XPO5: variants seen among roughly 807,000 people sequenced by gnomAD.
The protein encoded by XPO5 is exportin 5.
In XPO5, 46 loss-of-function variants were observed where a neutral mutation model predicts 160.6. The ratio of observed to expected loss-of-function variants is 0.29; its 90% CI spans 0.23 to 0.37. The LOEUF (loss-of-function observed/expected upper bound fraction) is 0.37. Among genes scored for constraint, XPO5 ranks in the 10% least tolerant of loss-of-function variants. The pLI, the probability that XPO5 is intolerant of heterozygous loss-of-function variation, is 1.00. For missense variants in XPO5, 1,090 were observed against 1,463.9 expected, an observed-to-expected ratio of 0.74 and a Z score of 4.17; for synonymous variants, 537 against 519.3, an observed-to-expected ratio of 1.03 and a Z score of -0.46.
rs1561867804 is a variant in XPO5, at chr6:43,533,992, T to C, written c.2358A>G (p.Leu786=). The C allele has an allele frequency of 6.2e-7, 1 of 1,602,012 alleles. No individual in the cohort carries two copies. ...TTTTGGCTAGCATTTCTGGTGCATA[T>C]AATGTATTGTGGGTTCTGAAAGAAA... is the stretch of plus-strand genomic sequence containing the variant. ...LLALIRTHNT[L]YAPEMLAKMA... is the part of the protein sequence containing the mutation. Residue 786 remains leucine, a synonymous_variant, in exon 21 of 32, where the codon TTA becomes TTG. Coordinates refer to ENST00000265351, the MANE Select transcript of XPO5 (RefSeq NM_020750.3).
At chr6:43,563,486 C>T (rs548616547) in intron 8 of XPO5, among the ~76,000 whole-genome samples, 11 of 152,320 alleles carry the variant, frequency 7.2e-5, no homozygotes, top group African/African-American at 2.4e-4. Context: ...GAAGCCCTTA[C>T]AGTCATGCAT....
In XPO5 at chr6:43,553,377, CTATTTAGTG is replaced by C. The variant is rs1349680623; in HGVS notation, c.1559_1567del (p.Thr520_Asn522del). Reference sequence around the variant, plus strand: ...GCATGGGAAATAATTACTTACTTCTCTATTTAGTGTTCGAAACATCTGGGTGATAACACT... The same window carrying C: ...GCATGGGAAATAATTACTTACTTCTCTTCGAAACATCTGGGTGATAACACT... On this transcript the variant is annotated inframe_deletion, in exon 14 of 32. Transcript: ENST00000265351. 3.1e-6 allele frequency: 5 copies of C among 1,608,140 alleles called. No individual in the cohort carries two copies. In the Admixed American group the frequency reaches 6.8e-5, roughly 22 times the overall value.
At position 43,563,792 on chromosome 6, in the gene XPO5, A is replaced by G. The variant is rs376815798; in HGVS notation, c.912-1446T>C. 2.5e-4 allele frequency among the ~76,000 whole-genome samples: 38 copies of G among 152,382 alleles called. No homozygotes were observed. In the South Asian group the frequency reaches 7.0e-3, roughly 28 times the overall value. On this transcript the variant is annotated intron_variant, in intron 8 of 31. Transcript: ENST00000265351. ...GATGGTATACCTGTAGAAGGCACTT[A>G]CCATGAATGACTGCAGGACAGAAAA...
intron 7 of XPO5, 25 bp downstream of exon 7, chr6:43,567,144 A>G: frequency 3.1e-6 from 5 of 1,596,836 alleles, no homozygotes; most frequent in Non-Finnish European, 4.3e-6. Context: ...GACTGAGGAT[A>G]AGTCAGTTTG....
At chr6:43,572,644 C>A in intron 2 of XPO5, 66 bp from the exon 3 acceptor site, 1 of 1,465,998 alleles carries the variant, frequency 6.8e-7, no homozygotes, top group Non-Finnish European at 9.5e-7. Context: ...AAGAGAATAG[C>A]ATGGATTTCT....
Position 43,530,706 on chromosome 6 carries a change from G to T in XPO5, c.2659C>A (p.Arg887=). Residue 887 remains arginine (R), a synonymous_variant, in exon 23 of 32, where the codon CGA becomes AGA. Transcript: ENST00000265351. The part of the protein sequence containing the change: ...FVNLNNIPDY[R]LRPMLRVFVK... ...AGGATATGAAGCATGGGTCTGAGTC[G>T]GTAGTCAGGAATATTGTTCAAGTTG... 1 of 1,613,904 alleles carries T rather than the reference G, an allele frequency of 6.2e-7. No individual in the cohort carries two copies. The highest frequency in any genetic ancestry group is 8.5e-7 in the Non-Finnish European group (1 of 1,179,884).
At chr6:43,525,077 G>A in intron 29 of XPO5, 30 bp downstream of exon 29, 1 of 1,570,538 alleles carries the variant, frequency 6.4e-7, no homozygotes, top group Non-Finnish European at 8.6e-7. Context: ...CCTTCCATGA[G>A]GGGCAGGGAA....
Position 43,524,855 on chromosome 6 carries a change from C to G in XPO5, c.3288G>C (p.Leu1096=). 1 of 1,613,792 alleles carries G rather than the reference C, an allele frequency of 6.2e-7. No homozygotes were observed. The highest frequency in any genetic ancestry group is 8.5e-7 in the Non-Finnish European group (1 of 1,179,896). Residue 1096 remains leucine (L), a synonymous_variant, in exon 30 of 32, where the codon CTG becomes CTC. Transcript: ENST00000265351. ...CCAGTGCCTCGTATATCTGGAAGGC[C>G]AGATGGACCAGGGAAGCCATGCACC... ...HDGCMASLVH[L]AFQIYEALRP... is the part of the protein sequence containing the mutation.
intron 7 of XPO5, among the ~76,000 whole-genome samples, chr6:43,566,468 A>C (rs973188147): frequency 6.6e-6 from 1 of 152,148 alleles, no homozygotes; most frequent in Non-Finnish European, 1.5e-5. Flanking sequence ...TTACATTTGT[A>C]GATAATATTC....
intron 21 of XPO5, 165 bp downstream of exon 21, chr6:43,533,741 AG>A: frequency 5.0e-6 from 2 of 402,832 alleles, no homozygotes; most frequent in South Asian, 5.0e-5. Flanking sequence ...AGGCTGAGGC[AG>A]GAAGACTGCT....
intron 17 of XPO5, among the ~76,000 whole-genome samples, chr6:43,548,903 T>C (rs1003049705): frequency 7.9e-5 from 12 of 152,124 alleles, no homozygotes; most frequent in African/African-American, 2.7e-4. Flanking sequence ...CATTTGGCAG[T>C]AGTAATTAAG....
At position 43,567,349 on chromosome 6, in the gene XPO5, T is replaced by C. The variant is rs755682746; in HGVS notation, c.654A>G (p.Gln218=). Residue 218 remains glutamine (Q), a synonymous_variant, in exon 7 of 32, where the codon CAA becomes CAG. Transcript: ENST00000265351. ...KTDTSQESKA[Q]ANCRVGVAAL... ...CTGCAACTCCTACTCGACAGTTTGCTTGCGCCTACCAGAAAAGAAGTAACT... is the reference window on the plus strand; with the variant it reads ...CTGCAACTCCTACTCGACAGTTTGCCTGCGCCTACCAGAAAAGAAGTAACT... 6.2e-7 allele frequency: 1 copy of C among 1,602,266 alleles called. No individual in the cohort carries two copies. Among genetic ancestry groups the C allele is most frequent in the South Asian group, 1.1e-5 (1 of 88,892 alleles).
chr6:43,525,753 C>A, intron 28 of XPO5, 86 bp downstream of exon 28: 1 of 1,408,454 alleles, frequency 7.1e-7, no homozygotes, highest in Non-Finnish European at 9.6e-7. Context: ...ACAAAAAACT[C>A]TTGATAGCAC....
chr6:43,543,086 T>C (rs1023578229), intron 20 of XPO5, among the ~76,000 whole-genome samples: 4 of 152,014 alleles, frequency 2.6e-5, no homozygotes, highest in Middle Eastern at 3.2e-3. Context: ...AAACAAAATA[T>C]TGAGCGAAAG....
At chr6:43,532,570 C>T (rs1360501053) in intron 21 of XPO5, among the ~76,000 whole-genome samples, 1 of 152,174 alleles carries the variant, frequency 6.6e-6, no homozygotes, top group Admixed American at 6.5e-5. Context: ...CTGGACATAC[C>T]AAGGCCTTTT....
At position 43,523,854 on chromosome 6, in the gene XPO5, C is replaced by T; in HGVS notation, c.*14G>A. On this transcript the variant is annotated 3_prime_UTR_variant, in exon 32 of 32. Transcript: ENST00000265351. ...TGACAAGAAAGGCCGAGGAAGGATG[C>T]CCAAAAGCTTGATTCAGGGTTCAAA... The T allele has an allele frequency of 6.2e-7, 1 of 1,613,954 alleles. No individual in the cohort carries two copies. Among genetic ancestry groups the T allele is most frequent in the Non-Finnish European group, 8.5e-7 (1 of 1,179,868 alleles).
intron 20 of XPO5, among the ~76,000 whole-genome samples, chr6:43,537,817 A>G (rs1457138001): frequency 1.3e-5 from 2 of 152,184 alleles, no homozygotes; most frequent in Non-Finnish European, 2.9e-5. Context: ...CTGTAATCCC[A>G]GCACTTTGGG....
chr6:43,575,202 G>C (rs9283911), intron 1 of XPO5, among the ~76,000 whole-genome samples: 1 of 152,192 alleles, frequency 6.6e-6, no homozygotes, highest in Non-Finnish European at 1.5e-5. Context: ...AAAAACATGG[G>C]AGAAGTAGGG....
chr6:43,568,841 T>C, intron 5 of XPO5, 104 bp from the exon 6 acceptor site: 2 of 1,019,680 alleles, frequency 2.0e-6, no homozygotes, highest in Non-Finnish European at 2.8e-6. Flanking sequence ...TTCTTAAATA[T>C]ATGCAATTTT....
Sources: gnomAD v4.1 joint callset for allele counts (sites outside exome capture counted in the v4.1 genomes callset) on GRCh38, gnomAD v4.1.1 for gene constraint, MANE v1.5 for transcripts, NCBI Gene and HGNC (gene_info 2026-07-23, HGNC 2026-07-21) for gene names.